The following DHX15 variants were observed in gnomAD, a reference collection of about 807,000 sequenced individuals.
The protein encoded by DHX15 is ATP-dependent RNA helicase DHX15.
In DHX15, 11 loss-of-function variants were observed where a neutral mutation model predicts 94.4. The ratio of observed to expected loss-of-function variants is 0.12; its 90% CI spans 0.07 to 0.19. The LOEUF is 0.19. Ranked by LOEUF, DHX15 falls within the 10% of genes least tolerant of loss-of-function variation. DHX15 has a pLI of 1.00. For synonymous variants in DHX15, 338 were observed against 329.9 expected (o/e 1.02, Z -0.27); for missense variants, 304 against 988.5 (o/e 0.31, Z 9.29).
intron 12 of DHX15, 49 bp from the exon 13 acceptor site, chr4:24,529,819 A>G: frequency 6.3e-7 from 1 of 1,583,228 alleles, no homozygotes; most frequent in East Asian, 2.2e-5. Flanking sequence ...CTGACTTGCT[A>G]GTTGTAAAGC....
At chr4:24,554,214 T>C (rs922453512) in intron 5 of DHX15, among the ~76,000 whole-genome samples, 1 of 151,176 alleles carries the variant, frequency 6.6e-6, no homozygotes, top group African/African-American at 2.4e-5. Context: ...CAAGACTCCG[T>C]CTCGAAAAAA....
At chr4:24,539,054 A>T (rs1414318635) in intron 10 of DHX15, 2 of 152,194 alleles carry the variant, frequency 1.3e-5, no homozygotes, top group African/African-American at 4.8e-5. Flanking sequence ...ATTTAATTAA[A>T]GTGACTCAAT....
chr4:24,541,845 A>AT, intron 8 of DHX15, 28 bp downstream of exon 8: 1 of 1,526,776 alleles, frequency 6.5e-7, no homozygotes, highest in East Asian at 2.3e-5. Flanking sequence ...TTTTAAACAT[A>AT]TCGGCAGGAA....
At chr4:24,582,261 T>A (rs900926866) in intron 1 of DHX15, among the ~76,000 whole-genome samples, 1 of 152,238 alleles carries the variant, frequency 6.6e-6, no homozygotes, top group African/African-American at 2.4e-5. Context: ...AACTTGGGCA[T>A]TATTCCAAAG....
chr4:24,527,711 G>A lies in DHX15; in HGVS notation c.*213C>T, dbSNP rs1164198698. 9 of 462,318 alleles carry A rather than the reference G, an allele frequency of 1.9e-5. No individual in the cohort carries two copies. The highest frequency in any genetic ancestry group is 5.0e-5 in the South Asian group (1 of 20,110). The allele number at this position is 462,318 out of a possible 1,614,324, so 28.6% of individuals were successfully genotyped here. A position where few individuals can be genotyped will look rare whatever the true frequency, so the allele number is the denominator to read the frequency against. On this transcript the variant is annotated 3_prime_UTR_variant, in exon 14 of 14. Coordinates refer to ENST00000336812, the MANE Select transcript of DHX15 (RefSeq NM_001358.3). ...TTCAATAAACTGCAAAACATTGATC[G>A]ACTTTTCCAGTATGAGCTACAGTGT...
chr4:24,533,185 C>G (rs756408251), intron 11 of DHX15, 131 bp from the exon 12 acceptor site: 2 of 806,874 alleles, frequency 2.5e-6, no homozygotes, highest in Non-Finnish European at 4.2e-6. Flanking sequence ...ACAACATTTT[C>G]TTTAAATGAA....
intron 1 of DHX15, among the ~76,000 whole-genome samples, chr4:24,577,464 A>G (rs1403951692): frequency 6.6e-6 from 1 of 152,222 alleles, no homozygotes; most frequent in Admixed American, 6.5e-5. Flanking sequence ...ATTTTAACCT[A>G]AACAGCAACA....
chr4:24,580,521 T>G (rs1223310698), intron 1 of DHX15, among the ~76,000 whole-genome samples: 1 of 151,924 alleles, frequency 6.6e-6, no homozygotes, highest in Non-Finnish European at 1.5e-5. Flanking sequence ...TTTTTTTTTT[T>G]TTTTTTAAAG....
At chr4:24,533,329 C>A in intron 11 of DHX15, 1 of 454,988 alleles carries the variant, frequency 2.2e-6, no homozygotes, top group Non-Finnish European at 4.0e-6. Context: ...CTCCCATTAA[C>A]ATCCACCTGG....
chr4:24,561,213 A>C (rs1463478570), intron 3 of DHX15, among the ~76,000 whole-genome samples: 1 of 152,262 alleles, frequency 6.6e-6, no homozygotes, highest in Non-Finnish European at 1.5e-5. Flanking sequence ...AAGTAAACTA[A>C]GGTACAATCA....
At chr4:24,562,871 G>T (rs938673314) in intron 3 of DHX15, among the ~76,000 whole-genome samples, 7 of 152,096 alleles carry the variant, frequency 4.6e-5, no homozygotes, top group African/African-American at 1.7e-4. Flanking sequence ...AATTCTGAAA[G>T]ATTTAAAAGA....
chr4:24,532,564 G>T lies in DHX15; in HGVS notation c.2100+300C>A, dbSNP rs1721106444. 2.0e-5 allele frequency among the ~76,000 whole-genome samples: 3 copies of T among 152,166 alleles called. No homozygotes were observed. In the South Asian group the frequency reaches 6.2e-4, roughly 32 times the overall value. On this transcript the variant is annotated intron_variant, in intron 12 of 13. Coordinates refer to ENST00000336812, the MANE Select transcript of DHX15 (RefSeq NM_001358.3). ...AAGAAACAGGTGCCTAATCACATCT[G>T]AAAGTAGCCAAAGTTTCCATTTTGT...
At chr4:24,535,723 C>T (rs925574658) in intron 11 of DHX15, among the ~76,000 whole-genome samples, 1 of 152,166 alleles carries the variant, frequency 6.6e-6, no homozygotes, top group Admixed American at 6.5e-5. Context: ...AAGTTAGGTA[C>T]TACGTCTGGT....
rs1404705266 is a variant in DHX15, at chr4:24,574,483, G to C, written c.507+1760C>G. Among the ~76,000 whole-genome samples, 3 of 150,234 alleles carry C rather than the reference G, an allele frequency of 2.0e-5. No homozygotes were observed. In the South Asian group the frequency reaches 6.3e-4, roughly 32 times the overall value. The stretch of plus-strand genomic sequence containing the variant: ...TCCAAATAATCACAAACCTCATCTT[G>C]AGTTGACCTGACCTCCTTCTACACT... On this transcript the variant is annotated intron_variant, in intron 2 of 13. Coordinates refer to ENST00000336812, the MANE Select transcript of DHX15 (RefSeq NM_001358.3).
At chr4:24,569,756 A>G (rs924389662) in intron 3 of DHX15, among the ~76,000 whole-genome samples, 2 of 152,074 alleles carry the variant, frequency 1.3e-5, no homozygotes, top group African/African-American at 4.8e-5. Flanking sequence ...TCACATAGAT[A>G]TGATTTTTCT....
chr4:24,565,672 T>C (rs1017217160), intron 3 of DHX15, among the ~76,000 whole-genome samples: 6 of 152,202 alleles, frequency 3.9e-5, no homozygotes, highest in Non-Finnish European at 5.9e-5. Flanking sequence ...GGAACTTTAT[T>C]AAATTGGTTT....
chr4:24,571,084 G>A (rs896772608), intron 2 of DHX15, among the ~76,000 whole-genome samples: 7 of 152,142 alleles, frequency 4.6e-5, no homozygotes, highest in Admixed American at 1.3e-4. Context: ...GAATACACTC[G>A]ACAGTGTGAC....
At chr4:24,551,975 ATG>A (rs1286050446) in intron 5 of DHX15, among the ~76,000 whole-genome samples, 1 of 152,218 alleles carries the variant, frequency 6.6e-6, no homozygotes, top group Non-Finnish European at 1.5e-5. Flanking sequence ...AATGATGACT[ATG>A]TAGGATATAA....
intron 6 of DHX15, 61 bp downstream of exon 6, chr4:24,548,792 TAC>T (rs1721520327): frequency 2.0e-6 from 3 of 1,468,526 alleles, no homozygotes; most frequent in Middle Eastern, 1.9e-4. Flanking sequence ...TATAACTGAA[TAC>T]AGTTTATATC....
Sources: gnomAD v4.1 joint callset for allele counts (sites outside exome capture counted in the v4.1 genomes callset) on GRCh38, gnomAD v4.1.1 for gene constraint, MANE v1.5 for transcripts, NCBI Gene and HGNC (gene_info 2026-07-23, HGNC 2026-07-21) for gene names.